CTPS2: variants seen among roughly 807,000 people sequenced by gnomAD.
CTPS2 encodes CTP synthase 2.
A neutral mutation model predicts 46.8 loss-of-function variants in CTPS2; 19 were observed. That is an observed-to-expected ratio of 0.41 (90% CI 0.28 to 0.60). CTPS2 has a LOEUF of 0.60. CTPS2 is among the 20% of genes least tolerant of loss of function. CTPS2 has a pLI of 0.35. For missense variants in CTPS2, 286 were observed against 447.6 expected, an observed-to-expected ratio of 0.64 and a Z score of 3.26; for synonymous variants, 151 against 165.2, an observed-to-expected ratio of 0.91 and a Z score of 0.66.
At chrX:16,625,368 G>A (rs1048757679) in intron 14 of CTPS2, among the ~76,000 whole-genome samples, 1 of 112,068 alleles carries the variant, frequency 8.9e-6, no homozygotes, top group Non-Finnish European at 1.9e-5. Flanking sequence ...CTCACAGGAC[G>A]TGCAACAGAG....
At chrX:16,631,291 T>C (rs1250053601) in intron 14 of CTPS2, among the ~76,000 whole-genome samples, 1 of 104,943 alleles carries the variant, frequency 9.5e-6, no homozygotes, top group East Asian at 3.0e-4. Context: ...GAGGTTGCAG[T>C]GAGCCAAGAT....
At chrX:16,678,160 T>G (rs912352225) in intron 10 of CTPS2, among the ~76,000 whole-genome samples, 1 of 112,041 alleles carries the variant, frequency 8.9e-6, no homozygotes, top group Non-Finnish European at 1.9e-5. Flanking sequence ...ATAAAACCAT[T>G]TCTATGCACA....
At chrX:16,613,086 GAA>G (rs1271544562) in intron 16 of CTPS2, among the ~76,000 whole-genome samples, 1 of 112,003 alleles carries the variant, frequency 8.9e-6, no homozygotes, top group Non-Finnish European at 1.9e-5. Context: ...AGACAAAAAG[GAA>G]AAGAGACAGA....
intron 13 of CTPS2, among the ~76,000 whole-genome samples, chrX:16,659,997 C>T (rs12557880): frequency 0.19 from 20,823 of 111,301 alleles, 1,791 homozygotes; most frequent in African/African-American, 0.33. Flanking sequence ...ATCTTGGCTA[C>T]TATGAATAAT....
intron 9 of CTPS2, among the ~76,000 whole-genome samples, chrX:16,682,602 A>G (rs913758531): frequency 8.9e-6 from 1 of 112,324 alleles, no homozygotes; most frequent in African/African-American, 3.2e-5. Context: ...GAGGGTTCCC[A>G]TCATTCCAAG....
chrX:16,667,732 A>G lies in CTPS2; in HGVS notation c.1190-8T>C. The stretch of plus-strand genomic sequence containing the variant: ...GCATCCCAAGACAAACTCCTATTTT[A>G]AAAAGCACATATGCAAAGCAAATGA... On this transcript the variant is annotated splice_region_variant and splice_polypyrimidine_tract_variant and intron_variant, in intron 11 of 18. Transcript: ENST00000359276. 5.8e-6 allele frequency: 7 copies of G among 1,201,761 alleles called. No individual in the cohort carries two copies. Among genetic ancestry groups the G allele is most frequent in the Non-Finnish European group, 7.9e-6 (7 of 887,709 alleles).
intron 16 of CTPS2, among the ~76,000 whole-genome samples, chrX:16,614,116 T>A (rs1930403870): frequency 1.8e-5 from 2 of 111,453 alleles, no homozygotes; most frequent in Admixed American, 1.9e-4. Context: ...AAAAAAAAAT[T>A]GCAAAAAAAT....
rs763708736 is a variant in CTPS2 at position 16,609,762 on chromosome X, T to A, written c.1547-77A>T. On this transcript the variant is annotated intron_variant, in intron 16 of 18. Coordinates refer to ENST00000359276, the MANE Select transcript of CTPS2 (RefSeq NM_175859.3). ...CTTTAAAGATCTTCTTATCTTTGAA[T>A]ATGAAAACTCATTAAATGGTAAGAT... 3.0e-5 allele frequency: 30 copies of A among 1,000,141 alleles called. No individual in the cohort carries two copies. The Admixed American group carries it at 6.8e-4, about 23-fold the overall frequency. The allele number at this position is 1,000,141 out of a possible 1,213,427, so 82.4% of individuals were successfully genotyped here. A position where few individuals can be genotyped will look rare whatever the true frequency, so the allele number is the denominator to read the frequency against.
intron 14 of CTPS2, among the ~76,000 whole-genome samples, chrX:16,631,347 CAA>C (rs779974024): frequency 4.4e-5 from 4 of 90,820 alleles, no homozygotes; most frequent in Admixed American, 1.2e-4. Context: ...GACTCTGTCT[CAA>C]AAAAAAAAAA....
At chrX:16,687,481 AAAAAAAAAAAAAAGAAAGAAAAG>A (rs1923314110) in intron 8 of CTPS2, among the ~76,000 whole-genome samples, 1 of 108,166 alleles carries the variant, frequency 9.2e-6, no homozygotes, top group Non-Finnish European at 1.9e-5. Context: ...TGTCAAAAAA[AAAAAAAAAAAAAAGAAAGAAAAG>A]AAAAAGAAAA....
At chrX:16,628,970 C>T (rs936334123) in intron 14 of CTPS2, among the ~76,000 whole-genome samples, 1 of 111,968 alleles carries the variant, frequency 8.9e-6, no homozygotes, top group African/African-American at 3.2e-5. Flanking sequence ...TAAGGGCTCC[C>T]GCATATCATT....
intron 17 of CTPS2, among the ~76,000 whole-genome samples, chrX:16,594,240 C>T (rs750878999): frequency 2.9e-4 from 32 of 111,156 alleles, no homozygotes; most frequent in Non-Finnish European, 1.1e-4. Context: ...CATTTCCTTG[C>T]GTGCCAGATT....
chrX:16,672,115 C>A (rs1318303907), intron 10 of CTPS2, among the ~76,000 whole-genome samples: 1 of 111,200 alleles, frequency 9.0e-6, no homozygotes, highest in Non-Finnish European at 1.9e-5. Context: ...TCAGTAAAGT[C>A]CCTCTCTGCT....
intron 13 of CTPS2, among the ~76,000 whole-genome samples, chrX:16,643,449 C>T (rs764450504): frequency 4.5e-5 from 5 of 111,069 alleles, no homozygotes; most frequent in African/African-American, 1.6e-4. Flanking sequence ...TGAAGCAATC[C>T]GCCCACCTCA....
At chrX:16,663,761 A>T (rs1435155828) in intron 13 of CTPS2, among the ~76,000 whole-genome samples, 1 of 111,662 alleles carries the variant, frequency 9.0e-6, no homozygotes, top group East Asian at 2.8e-4. Flanking sequence ...AACCGAAGTG[A>T]GGTGGGGGCA....
At chrX:16,701,627 A>G (rs754959147) in intron 2 of CTPS2, among the ~76,000 whole-genome samples, 8 of 105,485 alleles carry the variant, frequency 7.6e-5, no homozygotes, top group African/African-American at 2.8e-4. Flanking sequence ...TTTGAGATGG[A>G]GTCTCACTCT....
intron 14 of CTPS2, 70 bp from the exon 15 acceptor site, chrX:16,620,402 G>A (rs1183256662): frequency 2.2e-5 from 17 of 780,451 alleles, no homozygotes; most frequent in Non-Finnish European, 3.1e-5. Context: ...GATGCTTTGT[G>A]GAGGCAAGTG....
chrX:16,661,993 C>CATATATATACATATATATATATATAT (rs1555967609), intron 13 of CTPS2, among the ~76,000 whole-genome samples: 2 of 85,329 alleles, frequency 2.3e-5, no homozygotes, highest in Admixed American at 1.3e-4. Flanking sequence ...ATTGTTCATT[C>CATATATATACATATATATATATATAT]ATATATATAT....
rs777776185 is a variant in CTPS2, at chrX:16,684,306, C to T, written c.873-1080G>A. On this transcript the variant is annotated intron_variant, in intron 8 of 18. Coordinates refer to ENST00000359276, the MANE Select transcript of CTPS2 (RefSeq NM_175859.3). ...GGTGGATCACCTGAGGTCAGGAGTT[C>T]GAGACCATCCTGGCCAACATGGTGA... Among the ~76,000 whole-genome samples the T allele has an allele frequency of 2.7e-5, 3 of 109,985 alleles. No individual in the cohort carries two copies. The Admixed American group carries it at 2.9e-4, about 11-fold the overall frequency.
Sources: gnomAD v4.1 joint callset for allele counts (sites outside exome capture counted in the v4.1 genomes callset) on GRCh38, gnomAD v4.1.1 for gene constraint, MANE v1.5 for transcripts, NCBI Gene and HGNC (gene_info 2026-07-23, HGNC 2026-07-21) for gene names.